The following NMNAT2 variants were observed in gnomAD, a reference collection of about 807,000 sequenced individuals.
The protein encoded by NMNAT2 is nicotinamide/nicotinic acid mononucleotide adenylyltransferase 2.
In NMNAT2, 11 loss-of-function variants were observed where a neutral mutation model predicts 41.6. The ratio of observed to expected loss-of-function variants is 0.26; its 90% confidence interval spans 0.17 to 0.44. The LOEUF (loss-of-function observed/expected upper bound fraction) is 0.44, where lower values mean the gene tolerates loss of function less well. Ranked by LOEUF, NMNAT2 falls within the 20% of genes least tolerant of loss-of-function variation. NMNAT2 has a pLI of 1.00. For missense variants in NMNAT2, 288 were observed against 407.7 expected, an observed-to-expected ratio of 0.71 and a Z score of 2.53; for synonymous variants, 148 against 151.2, an observed-to-expected ratio of 0.98 and a Z score of 0.16.
At chr1:183,350,496 A>G (rs1412338195) in intron 1 of NMNAT2, among the ~76,000 whole-genome samples, 1 of 152,230 alleles carries the variant, frequency 6.6e-6, no homozygotes, top group Non-Finnish European at 1.5e-5. Context: ...CAAAGACTGT[A>G]AGTTATCTTC....
At chr1:183,404,253 G>A (rs921831102) in intron 1 of NMNAT2, among the ~76,000 whole-genome samples, 1 of 151,970 alleles carries the variant, frequency 6.6e-6, no homozygotes, top group Non-Finnish European at 1.5e-5. Flanking sequence ...TGCACACTCG[G>A]CTAATTTTTG....
At chr1:183,284,164 G>T (rs760245973) in intron 6 of NMNAT2, 125 bp from the exon 7 acceptor site, 6 of 773,238 alleles carry the variant, frequency 7.8e-6, no homozygotes, top group Non-Finnish European at 1.3e-5. Context: ...GTAGGGGTGT[G>T]GTGTGCCACC....
intron 1 of NMNAT2, among the ~76,000 whole-genome samples, chr1:183,343,880 T>C (rs1662870710): frequency 6.6e-6 from 1 of 152,194 alleles, no homozygotes; most frequent in Admixed American, 6.5e-5. Context: ...CTCACCTCCC[T>C]ATCCAGCCTC....
intron 1 of NMNAT2, among the ~76,000 whole-genome samples, chr1:183,303,993 G>A (rs750877600): frequency 1.3e-5 from 2 of 152,224 alleles, no homozygotes; most frequent in Non-Finnish European, 2.9e-5. Flanking sequence ...GAGAATGTGG[G>A]TACACCAGCA....
chr1:183,299,385 T>TA (rs1557871238), intron 1 of NMNAT2, among the ~76,000 whole-genome samples: 2 of 151,228 alleles, frequency 1.3e-5, no homozygotes, highest in African/African-American at 4.9e-5. Context: ...CAAAAAAAAA[T>TA]AAAAAAATAA....
At chr1:183,409,066 A>G (rs1267047890) in intron 1 of NMNAT2, among the ~76,000 whole-genome samples, 1 of 152,172 alleles carries the variant, frequency 6.6e-6, no homozygotes, top group Non-Finnish European at 1.5e-5. Flanking sequence ...GTTGAAGAAT[A>G]AAGCATTGGT....
intron 1 of NMNAT2, among the ~76,000 whole-genome samples, chr1:183,306,185 C>A (rs536083735): frequency 1.3e-5 from 2 of 151,986 alleles, no homozygotes; most frequent in Admixed American, 6.6e-5. Flanking sequence ...CCTTAGTCCC[C>A]GACAAACTGT....
chr1:183,381,559 T>A (rs1346809402), intron 1 of NMNAT2, among the ~76,000 whole-genome samples: 1 of 152,092 alleles, frequency 6.6e-6, no homozygotes, highest in Non-Finnish European at 1.5e-5. Flanking sequence ...TAGCTGGGTG[T>A]GGTGGTGTGC....
chr1:183,318,184 C>T (rs1452742124), intron 1 of NMNAT2, among the ~76,000 whole-genome samples: 2 of 152,202 alleles, frequency 1.3e-5, no homozygotes, highest in East Asian at 1.9e-4. Flanking sequence ...GTCTCTGCCT[C>T]ACCTCCCCAG....
At chr1:183,364,714 C>T (rs937866309) in intron 1 of NMNAT2, among the ~76,000 whole-genome samples, 8 of 57,748 alleles carry the variant, frequency 1.4e-4, no homozygotes, top group Admixed American at 5.4e-4. Context: ...TTGTTTGAGA[C>T]GGAGTCTCAC....
At chr1:183,349,469 CG>C (rs1193600416) in intron 1 of NMNAT2, among the ~76,000 whole-genome samples, 2 of 152,242 alleles carry the variant, frequency 1.3e-5, no homozygotes, top group African/African-American at 4.8e-5. Context: ...ACTTTAAAAG[CG>C]TTCTCTTTCC....
intron 1 of NMNAT2, among the ~76,000 whole-genome samples, chr1:183,389,818 A>AGGG (rs1557897716): frequency 4.8e-5 from 4 of 83,508 alleles, no homozygotes; most frequent in Admixed American, 1.2e-4. Flanking sequence ...GAAAGAAAGA[A>AGGG]AGAAAGAAAG....
At chr1:183,287,534 G>A (rs1007504813) in intron 4 of NMNAT2, among the ~76,000 whole-genome samples, 5 of 152,186 alleles carry the variant, frequency 3.3e-5, no homozygotes, top group African/African-American at 1.2e-4. Flanking sequence ...TATCTGCCAG[G>A]CTACTCCTCA....
chr1:183,292,736 C>G, intron 3 of NMNAT2, 54 bp downstream of exon 3: 1 of 1,513,404 alleles, frequency 6.6e-7, no homozygotes, highest in East Asian at 2.3e-5. Context: ...TTCCCCACCC[C>G]ACTCCCAGTA....
chr1:183,386,286 G>A (rs1330909021), intron 1 of NMNAT2, among the ~76,000 whole-genome samples: 2 of 151,940 alleles, frequency 1.3e-5, no homozygotes, highest in Non-Finnish European at 2.9e-5. Context: ...ATAAGGTAAG[G>A]TGTCCCCCAC....
intron 1 of NMNAT2, among the ~76,000 whole-genome samples, chr1:183,352,339 G>T (rs1355351886): frequency 6.6e-6 from 1 of 152,086 alleles, no homozygotes; most frequent in Non-Finnish European, 1.5e-5. Flanking sequence ...TAAGGTGGGT[G>T]GATCACCTGA....
intron 1 of NMNAT2, among the ~76,000 whole-genome samples, chr1:183,344,898 G>A (rs1021319904): frequency 6.6e-6 from 1 of 152,078 alleles, no homozygotes; most frequent in Non-Finnish European, 1.5e-5. Context: ...CAGTCTCCCC[G>A]GCAGGGCTTC....
chr1:183,356,914 A>G (rs1319912568), intron 1 of NMNAT2, among the ~76,000 whole-genome samples: 2 of 152,220 alleles, frequency 1.3e-5, no homozygotes, highest in African/African-American at 4.8e-5. Context: ...TTGTGGCTGC[A>G]TAGTATTCCA....
rs545943605 is a variant in NMNAT2, at chr1:183,396,082, G to A, written c.85+22101C>T. ...TGGCCCTACCACACTTGGATGCCTTGAGCAAGATTCCCAGAGCAGTGCCAG... is the reference window on the plus strand; with the variant it reads ...TGGCCCTACCACACTTGGATGCCTTAAGCAAGATTCCCAGAGCAGTGCCAG... On this transcript the variant is annotated intron_variant, in intron 1 of 10. Transcript: ENST00000287713. 1.4e-3 allele frequency among the ~76,000 whole-genome samples: 210 copies of A among 152,274 alleles called. 1 individual carries two copies. Among genetic ancestry groups the A allele is most frequent in the Non-Finnish European group, 2.1e-3 (144 of 68,018 alleles).
Sources: gnomAD v4.1 joint callset for allele counts (sites outside exome capture counted in the v4.1 genomes callset) on GRCh38, gnomAD v4.1.1 for gene constraint, MANE v1.5 for transcripts, NCBI Gene and HGNC (gene_info 2026-07-23, HGNC 2026-07-21) for gene names.